The following CLRN1 variants were observed in gnomAD, a reference collection of about 807,000 sequenced individuals.
CLRN1 encodes clarin-1.
Under a neutral mutation model 18.7 loss-of-function variants are expected in CLRN1, and 15 were observed. The ratio of observed to expected loss-of-function variants is 0.80; its 90% CI spans 0.54 to 1.23. The LOEUF (loss-of-function observed/expected upper bound fraction) is 1.23, where lower values mean the gene tolerates loss of function less well. Among genes scored for constraint, CLRN1 ranks in the 50% most tolerant of loss-of-function variants. CLRN1 has a pLI of 0.00. For synonymous variants in CLRN1, 104 were observed against 102.9 expected (o/e 1.01, Z -0.07); for missense variants, 311 against 277.5 (o/e 1.12, Z -0.86).
chr3:150,942,960 C>T (rs2107953714), intron 1 of CLRN1, among the ~76,000 whole-genome samples: 1 of 152,250 alleles, frequency 6.6e-6, no homozygotes, highest in African/African-American at 2.4e-5. Context: ...GAAAGGCTGC[C>T]TGGAGGAGCA....
chr3:150,935,272 C>G (rs910694660), intron 2 of CLRN1, among the ~76,000 whole-genome samples: 4 of 149,440 alleles, frequency 2.7e-5, no homozygotes, highest in South Asian at 2.2e-4. Context: ...TTAGGTATAT[C>G]TCCTAATGCT....
At chr3:150,972,404 T>C in intron 1 of CLRN1, 52 bp downstream of exon 1, 2 of 1,613,388 alleles carry the variant, frequency 1.2e-6, no homozygotes, top group East Asian at 2.2e-5. Context: ...CTCGCAACAC[T>C]GGGAAGAGTC....
At chr3:150,947,371 A>G (rs927947078) in intron 1 of CLRN1, among the ~76,000 whole-genome samples, 3 of 152,210 alleles carry the variant, frequency 2.0e-5, no homozygotes, top group African/African-American at 7.2e-5. Context: ...TCCTAAATAT[A>G]TATGCATCCA....
At chr3:150,961,258 C>T (rs1715014019) in intron 1 of CLRN1, among the ~76,000 whole-genome samples, 1 of 152,172 alleles carries the variant, frequency 6.6e-6, no homozygotes, top group African/African-American at 2.4e-5. Flanking sequence ...CCACCATCCA[C>T]CTCAGTCATT....
At chr3:150,945,705 T>G (rs1559984804) in intron 1 of CLRN1, 4 of 1,199,596 alleles carry the variant, frequency 3.3e-6, no homozygotes, top group Non-Finnish European at 3.2e-6. Flanking sequence ...AAAATGCACA[T>G]TAAAACTTTG....
chr3:150,962,033 G>T (rs1715062420), intron 1 of CLRN1, among the ~76,000 whole-genome samples: 1 of 152,172 alleles, frequency 6.6e-6, no homozygotes, highest in Admixed American at 6.5e-5. Flanking sequence ...CCTCACTCAA[G>T]CCTATTCAGA....
At chr3:150,948,477 C>T (rs1324759093) in intron 1 of CLRN1, among the ~76,000 whole-genome samples, 1 of 112,500 alleles carries the variant, frequency 8.9e-6, no homozygotes, top group Non-Finnish European at 1.8e-5. Flanking sequence ...GAGCGAGACT[C>T]CGTCTCAAAA....
chr3:150,946,969 G>A (rs1162941993), intron 1 of CLRN1, among the ~76,000 whole-genome samples: 1 of 142,008 alleles, frequency 7.0e-6, no homozygotes, highest in Non-Finnish European at 1.5e-5. Context: ...CATTTGAACA[G>A]ACCATTTCTA....
At chr3:150,965,671 G>A (rs1363166816) in intron 1 of CLRN1, among the ~76,000 whole-genome samples, 2 of 152,152 alleles carry the variant, frequency 1.3e-5, no homozygotes, top group African/African-American at 4.8e-5. Context: ...CCAGGGTTAA[G>A]TTCCAGGAGT....
chr3:150,971,102 C>A (rs368680839), intron 1 of CLRN1, among the ~76,000 whole-genome samples: 8 of 152,186 alleles, frequency 5.3e-5, no homozygotes, highest in African/African-American at 1.9e-4. Context: ...CACGCTTTGG[C>A]TGCCGGTGAC....
chr3:150,937,503 C>G (rs961140411), intron 2 of CLRN1, among the ~76,000 whole-genome samples: 2 of 152,122 alleles, frequency 1.3e-5, no homozygotes, highest in Non-Finnish European at 2.9e-5. Context: ...TGTGTGAGAC[C>G]TGAGATCAGT....
chr3:150,972,905 T>A, upstream of CLRN1: 1 of 717,388 alleles, frequency 1.4e-6, no homozygotes, highest in Middle Eastern at 3.7e-4. Flanking sequence ...CATACTTGGC[T>A]TTTCTCCTTT....
At chr3:150,955,698 G>A (rs955629945) in intron 1 of CLRN1, among the ~76,000 whole-genome samples, 1 of 152,052 alleles carries the variant, frequency 6.6e-6, no homozygotes, top group East Asian at 1.9e-4. Flanking sequence ...AAAAGAATTC[G>A]TTGCACACCT....
At chr3:150,941,057 CA>C (rs1052506416) in intron 2 of CLRN1, among the ~76,000 whole-genome samples, 1 of 151,560 alleles carries the variant, frequency 6.6e-6, no homozygotes, top group Non-Finnish European at 1.5e-5. Flanking sequence ...AAAGTATGAG[CA>C]AAAATAAAAG....
chr3:150,950,335 T>C (rs1363933983), intron 1 of CLRN1, among the ~76,000 whole-genome samples: 1 of 152,182 alleles, frequency 6.6e-6, no homozygotes, highest in Admixed American at 6.5e-5. Flanking sequence ...ACTTAGGAGC[T>C]TCTGCATGGT....
At chr3:150,968,286 T>C (rs1165117272) in intron 1 of CLRN1, among the ~76,000 whole-genome samples, 2 of 152,194 alleles carry the variant, frequency 1.3e-5, no homozygotes, top group African/African-American at 2.4e-5. Context: ...TTTGTCTTGA[T>C]GGCTACATTT....
At chr3:150,959,099 G>A (rs1714897435) in intron 1 of CLRN1, among the ~76,000 whole-genome samples, 1 of 152,182 alleles carries the variant, frequency 6.6e-6, no homozygotes, top group African/African-American at 2.4e-5. Flanking sequence ...CATCCTGAAT[G>A]ATATGCTAGC....
upstream of CLRN1, chr3:150,972,849 G>A (rs769902137): frequency 1.0e-5 from 12 of 1,164,920 alleles, no homozygotes; most frequent in Non-Finnish European, 1.2e-5. Flanking sequence ...ACCATCGACG[G>A]TTCTCGCCAG....
chr3:150,930,896 A>C (rs898870263), intron 2 of CLRN1, among the ~76,000 whole-genome samples: 1 of 152,214 alleles, frequency 6.6e-6, no homozygotes, highest in Non-Finnish European at 1.5e-5. Context: ...GGGGTGTCAT[A>C]AGACTCAAAG....
Sources: gnomAD v4.1 joint callset for allele counts (sites outside exome capture counted in the v4.1 genomes callset) on GRCh38, gnomAD v4.1.1 for gene constraint, MANE v1.5 for transcripts, NCBI Gene and HGNC (gene_info 2026-07-23, HGNC 2026-07-21) for gene names.